PRKAG2: variants seen among roughly 807,000 people sequenced by gnomAD.
PRKAG2 encodes protein kinase AMP-activated non-catalytic subunit gamma 2, also known as 5'-AMP-activated protein kinase subunit gamma-2.
In PRKAG2, 26 loss-of-function variants were observed where a neutral mutation model predicts 69.6. The observed-to-expected ratio is 0.37, with a 90% CI of 0.27 to 0.52. The LOEUF is 0.52. Ranked by LOEUF, PRKAG2 falls within the 20% of genes least tolerant of loss-of-function variation. The pLI, the probability that PRKAG2 is intolerant of heterozygous loss-of-function variation, is 0.90. For synonymous variants in PRKAG2, 293 were observed against 285.0 expected, an observed-to-expected ratio of 1.03 and a Z score of -0.28; for missense variants, 557 against 740.0, an observed-to-expected ratio of 0.75 and a Z score of 2.87.
chr7:151,711,621 A>C (rs556851719), intron 3 of PRKAG2, among the ~76,000 whole-genome samples: 1 of 152,358 alleles, frequency 6.6e-6, no homozygotes, highest in East Asian at 1.9e-4. Flanking sequence ...ATCTCCATCC[A>C]CCAAGGAGGA....
chr7:151,876,852 C>T lies in PRKAG2; in HGVS notation c.-232G>A. 1.7e-6 allele frequency: 1 copy of T among 587,702 alleles called. No individual in the cohort carries two copies. Among genetic ancestry groups the T allele is most frequent in the Non-Finnish European group, 3.0e-6 (1 of 328,920 alleles). 36.4% of individuals were successfully genotyped at this position (587,702 alleles called of 1,614,324 possible). A position where few individuals can be genotyped will look rare whatever the true frequency, so the allele number is the denominator to read the frequency against. On this transcript the variant is annotated 5_prime_UTR_variant, in exon 1 of 16. Coordinates refer to ENST00000287878, the MANE Select transcript of PRKAG2 (RefSeq NM_016203.4). The stretch of plus-strand genomic sequence containing the variant: ...ACGGAACCCTCGTAGGCAAATCAGT[C>T]AAAGCCCGTCCCGGTTCTGGTGTCT...
chr7:151,558,670 G>T (rs539151804), intron 15 of PRKAG2: 10 of 982,914 alleles, frequency 1.0e-5, no homozygotes, highest in Non-Finnish European at 9.7e-6. Context: ...TCAACAAATC[G>T]TGTTGTATAC....
chr7:151,808,427 T>C (rs886795827), intron 1 of PRKAG2, among the ~76,000 whole-genome samples: 3 of 152,152 alleles, frequency 2.0e-5, no homozygotes, highest in African/African-American at 7.2e-5. Flanking sequence ...AGGCCCATGA[T>C]TTTGTTCCTC....
intron 1 of PRKAG2, among the ~76,000 whole-genome samples, chr7:151,832,599 G>GGC (rs2079062515): frequency 6.6e-6 from 1 of 151,532 alleles, no homozygotes; most frequent in African/African-American, 2.4e-5. Flanking sequence ...CATCTCTGGG[G>GGC]GGGGGGTCCC....
At chr7:151,870,154 TAGGCAGGC>T (rs200063326) in intron 1 of PRKAG2, among the ~76,000 whole-genome samples, 2,924 of 138,032 alleles carry the variant, frequency 0.021, 36 homozygotes, top group Non-Finnish European at 0.028. Context: ...GATAGATAGA[TAGGCAGGC>T]AGGCAGGCAG....
intron 3 of PRKAG2, among the ~76,000 whole-genome samples, chr7:151,742,637 A>T (rs928241203): frequency 7.9e-5 from 12 of 152,216 alleles, no homozygotes; most frequent in East Asian, 1.9e-4. Context: ...AAAAAAAAAA[A>T]AATAAAATAA....
intron 1 of PRKAG2, among the ~76,000 whole-genome samples, chr7:151,825,599 C>T (rs542461082): frequency 6.6e-6 from 1 of 152,346 alleles, no homozygotes; most frequent in African/African-American, 2.4e-5. Context: ...CCAGGGAACT[C>T]CCAGCACAGT....
chr7:151,842,537 T>C, intron 1 of PRKAG2, among the ~76,000 whole-genome samples: 1 of 144,262 alleles, frequency 6.9e-6, no homozygotes, highest in Non-Finnish European at 1.5e-5. Flanking sequence ...GTGATGATGG[T>C]AGTGATGGTA....
rs903416779 is a variant in PRKAG2, at chr7:151,781,866, C to A, written c.187-435G>T. ...AAGATCCCTATGTTCCAGAACAGAG[C>A]GGGCCTGGAGCTCCATCCTGAGACC... On this transcript the variant is annotated intron_variant, in intron 2 of 15. Transcript: ENST00000287878. The surrounding 1 kb of genome is among the most constrained non-coding windows in gnomAD (Gnocchi z 6.1). Among the ~76,000 whole-genome samples, 3 of 152,282 alleles carry A rather than the reference C, an allele frequency of 2.0e-5. No individual in the cohort carries two copies. Among genetic ancestry groups the A allele is most frequent in the South Asian group, 2.1e-4 (1 of 4,826 alleles).
intron 6 of PRKAG2, among the ~76,000 whole-genome samples, chr7:151,580,115 G>T (rs1004685164): frequency 6.6e-6 from 1 of 152,154 alleles, no homozygotes; most frequent in Admixed American, 6.5e-5. Flanking sequence ...AGGCCAAGGT[G>T]GGGGGATCAC....
chr7:151,875,170 G>A (rs559678528), intron 1 of PRKAG2, among the ~76,000 whole-genome samples: 2 of 152,318 alleles, frequency 1.3e-5, no homozygotes, highest in South Asian at 4.1e-4. Context: ...ACCACCGTGG[G>A]GGCCACACAG....
chr7:151,795,844 CTCATATAT>C (rs1218158751), intron 1 of PRKAG2, among the ~76,000 whole-genome samples: 1 of 69,410 alleles, frequency 1.4e-5, no homozygotes, highest in Non-Finnish European at 2.6e-5. Context: ...TCAAACAAAT[CTCATATAT>C]ATATATATAT....
rs1311643472 is a variant in PRKAG2 at position 151,614,188 on chromosome 7, T to C, written c.754+17881A>G. Among the ~76,000 whole-genome samples, 1 of 152,118 alleles carries C rather than the reference T, an allele frequency of 6.6e-6. No homozygotes were observed. Among genetic ancestry groups the C allele is most frequent in the Non-Finnish European group, 1.5e-5 (1 of 68,016 alleles). On this transcript the variant is annotated intron_variant, in intron 5 of 15. Transcript: ENST00000287878. The surrounding 1 kb of genome is among the most constrained non-coding windows in gnomAD (Gnocchi z 4.4). The stretch of plus-strand genomic sequence containing the variant: ...CACGGCCTGTCAGGGGAGGTGACGC[T>C]GTCTCCAGCTGTGTCTTGAAGGCAG...
At chr7:151,750,645 G>T (rs992011533) in intron 3 of PRKAG2, among the ~76,000 whole-genome samples, 1 of 152,130 alleles carries the variant, frequency 6.6e-6, no homozygotes, top group South Asian at 2.1e-4. Flanking sequence ...GTTTCCATTT[G>T]GGGTGATGAA....
At chr7:151,832,402 A>T (rs1018774575) in intron 1 of PRKAG2, among the ~76,000 whole-genome samples, 1 of 152,130 alleles carries the variant, frequency 6.6e-6, no homozygotes, top group Non-Finnish European at 1.5e-5. Context: ...GGCAGTGTTC[A>T]CAGTGCCTTC....
intron 3 of PRKAG2, among the ~76,000 whole-genome samples, chr7:151,740,517 A>G (rs972709307): frequency 3.3e-5 from 5 of 152,202 alleles, no homozygotes; most frequent in African/African-American, 1.2e-4. Flanking sequence ...AGTGATCCAA[A>G]AAGTTCAGTG....
At chr7:151,621,344 T>G (rs1206145942) in intron 5 of PRKAG2, among the ~76,000 whole-genome samples, 2 of 152,192 alleles carry the variant, frequency 1.3e-5, no homozygotes, top group Non-Finnish European at 2.9e-5. Context: ...TATGCTCTTC[T>G]GTAGCAGAAG....
At chr7:151,694,252 T>C (rs1585823551) in intron 3 of PRKAG2, among the ~76,000 whole-genome samples, 1 of 152,256 alleles carries the variant, frequency 6.6e-6, no homozygotes, top group Non-Finnish European at 1.5e-5. Flanking sequence ...CTGAGTTAGC[T>C]AATTTGTTGA....
chr7:151,822,109 C>T (rs1252295215), intron 1 of PRKAG2, among the ~76,000 whole-genome samples: 1 of 152,176 alleles, frequency 6.6e-6, no homozygotes, highest in Admixed American at 6.5e-5. Flanking sequence ...GATACAGAGA[C>T]TCTGAACCTT....
Sources: allele counts gnomAD v4.1 joint callset (sites outside exome capture counted in the v4.1 genomes callset), GRCh38; gene constraint gnomAD v4.1.1; non-coding constraint Gnocchi (gnomAD v3.1); transcripts MANE v1.5; gene names NCBI Gene and HGNC (gene_info 2026-07-23, HGNC 2026-07-21).